Variants in POLA1 observed in about 807,000 individuals in gnomAD.
POLA1 encodes DNA polymerase alpha 1, catalytic subunit, also known as DNA polymerase alpha catalytic subunit.
POLA1 carries 15 observed loss-of-function variants against 124.0 expected under a neutral mutation model. That is an observed-to-expected ratio of 0.12 (90% CI 0.08 to 0.19). The LOEUF is 0.19. POLA1 is among the 10% of genes least tolerant of loss of function. The pLI is 1.00. For missense variants in POLA1, 886 were observed against 1,103.4 expected, an observed-to-expected ratio of 0.80 and a Z score of 2.79; for synonymous variants, 408 against 389.4, an observed-to-expected ratio of 1.05 and a Z score of -0.56.
intron 32 of POLA1, among the ~76,000 whole-genome samples, chrX:24,829,747 G>T (rs1461948168): frequency 1.8e-5 from 2 of 112,249 alleles, no homozygotes; most frequent in Non-Finnish European, 3.8e-5. Flanking sequence ...TTTAGGAGGA[G>T]GGAGGGAGAT....
At chrX:24,703,065 T>C (rs1360917778) in intron 2 of POLA1, among the ~76,000 whole-genome samples, 186 bp from the exon 3 acceptor site, 6 of 112,388 alleles carry the variant, frequency 5.3e-5, no homozygotes, top group Admixed American at 3.8e-4. Flanking sequence ...AAAGGAATAC[T>C]AAGTTAATTG....
chrX:24,716,508 A>G (rs1602270823), intron 7 of POLA1, 54 bp downstream of exon 7: 2 of 682,552 alleles, frequency 2.9e-6, no homozygotes, highest in East Asian at 6.6e-5. Context: ...CTTTAAACTT[A>G]TTTTGTTGCT....
rs766290146 is a variant in POLA1, at chrX:24,789,065, C to T, written c.2965-20833C>T. 8.3e-6 allele frequency: 10 copies of T among 1,206,240 alleles called. No individual in the cohort carries two copies. The South Asian group carries it at 1.8e-4, about 21-fold the overall frequency. Reference sequence around the variant, plus strand: ...GGCGGGGCTTTTCAGGTCTCTGAAACCCATGGTGTCGGCTGTATCCGAGAG... The same window carrying T: ...GGCGGGGCTTTTCAGGTCTCTGAAATCCATGGTGTCGGCTGTATCCGAGAG... On this transcript the variant is annotated intron_variant, in intron 26 of 36. Transcript: ENST00000379068.
At chrX:24,788,279 A>G in intron 26 of POLA1, 1 of 812,511 alleles carries the variant, frequency 1.2e-6, no homozygotes, top group Non-Finnish European at 1.7e-6. Flanking sequence ...TGAAAAGCAG[A>G]AAGCTTTTCA....
At chrX:24,710,412 C>G (rs1929326769) in intron 4 of POLA1, among the ~76,000 whole-genome samples, 1 of 111,725 alleles carries the variant, frequency 9.0e-6, no homozygotes, top group Admixed American at 9.5e-5. Context: ...TTTGACTTAG[C>G]AGAAGATTTT....
chrX:24,784,500 A>G (rs914130026), intron 26 of POLA1, among the ~76,000 whole-genome samples: 2 of 110,311 alleles, frequency 1.8e-5, no homozygotes, highest in Non-Finnish European at 3.8e-5. Context: ...CCTGGCCAAC[A>G]TGGTGAAACT....
intron 35 of POLA1, among the ~76,000 whole-genome samples, chrX:24,909,999 A>T (rs1377660385): frequency 4.5e-5 from 5 of 110,785 alleles, no homozygotes; most frequent in African/African-American, 6.6e-5. Flanking sequence ...TTTGAAGCAA[A>T]TGTGAATGGT....
At chrX:24,764,935 T>C (rs1932866363) in intron 26 of POLA1, among the ~76,000 whole-genome samples, 1 of 111,370 alleles carries the variant, frequency 9.0e-6, no homozygotes. Context: ...CTCAACCCTA[T>C]ATTTTTAAGG....
At chrX:24,990,162 G>A (rs1410770490) in intron 36 of POLA1, among the ~76,000 whole-genome samples, 3 of 112,246 alleles carry the variant, frequency 2.7e-5, no homozygotes, top group African/African-American at 6.5e-5. Context: ...TTCAAACACA[G>A]TTTGATATTT....
chrX:24,934,652 T>A (rs1174018214), intron 36 of POLA1, among the ~76,000 whole-genome samples: 1 of 112,299 alleles, frequency 8.9e-6, no homozygotes, highest in Non-Finnish European at 1.9e-5. Flanking sequence ...ATGGATGGGG[T>A]GGCTTAACTA....
At chrX:24,701,025 C>T (rs183486078) in intron 2 of POLA1, among the ~76,000 whole-genome samples, 1 of 111,448 alleles carries the variant, frequency 9.0e-6, no homozygotes, top group East Asian at 2.8e-4. Flanking sequence ...CTGGTATCTC[C>T]TTGATAATAT....
intron 26 of POLA1, among the ~76,000 whole-genome samples, chrX:24,784,153 A>G (rs1044127588): frequency 3.6e-4 from 37 of 102,832 alleles, no homozygotes; most frequent in African/African-American, 1.3e-3. Context: ...CCAGGGTTCA[A>G]GTGATTCTCC....
At chrX:24,984,542 G>A (rs2048457463) in intron 36 of POLA1, among the ~76,000 whole-genome samples, 1 of 110,928 alleles carries the variant, frequency 9.0e-6, no homozygotes, top group Admixed American at 9.6e-5. Context: ...AAAAAAAAGT[G>A]TGTGTTTATT....
chrX:24,952,024 A>G (rs967553046), intron 36 of POLA1, among the ~76,000 whole-genome samples: 2 of 111,798 alleles, frequency 1.8e-5, no homozygotes, highest in Non-Finnish European at 3.8e-5. Flanking sequence ...GTTAGGGGGT[A>G]TCATTTATTA....
chrX:24,852,294 G>A (rs1413872559), intron 34 of POLA1, among the ~76,000 whole-genome samples: 1 of 108,059 alleles, frequency 9.3e-6, no homozygotes, highest in Non-Finnish European at 1.9e-5. Flanking sequence ...CATAAATCAC[G>A]TGTTGACCTT....
At chrX:24,773,671 A>G (rs781120223) in intron 26 of POLA1, among the ~76,000 whole-genome samples, 6 of 112,349 alleles carry the variant, frequency 5.3e-5, no homozygotes, top group African/African-American at 1.6e-4. Flanking sequence ...GGTCCTTAGT[A>G]AGTGATCAAT....
chrX:24,798,069 A>G (rs999101791), intron 26 of POLA1, among the ~76,000 whole-genome samples: 1 of 110,797 alleles, frequency 9.0e-6, no homozygotes, highest in Middle Eastern at 4.2e-3. Flanking sequence ...ACAAAGTTCA[A>G]AAGTGAAGGA....
chrX:24,865,070 T>C (rs1236799345), intron 34 of POLA1, among the ~76,000 whole-genome samples: 1 of 111,947 alleles, frequency 8.9e-6, no homozygotes. Flanking sequence ...TAATACATTG[T>C]AGAGCTGAGA....
chrX:24,895,880 G>A (rs1011011518), intron 35 of POLA1, among the ~76,000 whole-genome samples: 6 of 112,572 alleles, frequency 5.3e-5, no homozygotes, highest in African/African-American at 1.9e-4. Context: ...TATGCTTTGT[G>A]TAGGATTCTT....
Sources: allele counts gnomAD v4.1 joint callset (sites outside exome capture counted in the v4.1 genomes callset), GRCh38; gene constraint gnomAD v4.1.1; transcripts MANE v1.5; gene names NCBI Gene and HGNC (gene_info 2026-07-23, HGNC 2026-07-21).